The following SLC5A7 variants were observed in gnomAD, a reference collection of about 807,000 sequenced individuals.
SLC5A7 encodes high affinity choline transporter 1.
A neutral mutation model predicts 55.4 loss-of-function variants in SLC5A7; 19 were observed. The observed-to-expected ratio is 0.34, with a 90% CI of 0.24 to 0.50. SLC5A7 has a LOEUF of 0.50. Among genes scored for constraint, SLC5A7 ranks in the 20% least tolerant of loss-of-function variants. The pLI is 0.98. For synonymous variants in SLC5A7, 265 were observed against 263.7 expected (o/e 1.00, Z -0.05); for missense variants, 506 against 705.3 (o/e 0.72, Z 3.20).
chr2:108,008,554 C>T lies in SLC5A7; in HGVS notation c.985C>T (p.Pro329Ser). The change falls in exon 8 of 9, where the codon CCT (proline) becomes TCT (serine). Residue 329 changes from proline (P) to serine (S), a missense_variant. Physicochemically the swap from Pro to Ser is moderately conservative, Grantham distance 74. Around this residue, in one of 4 missense-constraint regions of SLC5A7, gnomAD observed 309 missense variants for 478.6 expected, o/e 0.65. Coordinates refer to ENST00000264047, the MANE Select transcript of SLC5A7 (RefSeq NM_021815.5). ...ILPIVLQYLCPVYISFFGLGA... is the reference protein window; with the variant it reads ...ILPIVLQYLCSVYISFFGLGA... ...ACCAATTGTTCTGCAGTATCTCTGCCCTGTGTATATTTCTTTCTTTGGTCT... is the reference window on the plus strand; with the variant it reads ...ACCAATTGTTCTGCAGTATCTCTGCTCTGTGTATATTTCTTTCTTTGGTCT... The T allele has an allele frequency of 6.2e-7, 1 of 1,613,232 alleles. No individual in the cohort carries two copies. The highest frequency in any genetic ancestry group is 8.5e-7 in the Non-Finnish European group (1 of 1,179,720).
At chr2:108,002,074 A>G in intron 6 of SLC5A7, 34 bp downstream of exon 6, 1 of 1,583,410 alleles carries the variant, frequency 6.3e-7, no homozygotes, top group Non-Finnish European at 8.6e-7. Context: ...AATGTGATTT[A>G]ATTGTTCCTG....
At chr2:108,004,089 G>T (rs1678018042) in intron 6 of SLC5A7, among the ~76,000 whole-genome samples, 1 of 152,038 alleles carries the variant, frequency 6.6e-6, no homozygotes, top group Non-Finnish European at 1.5e-5. Context: ...TATCATGTTG[G>T]GATTAGAGTT....
intron 4 of SLC5A7, among the ~76,000 whole-genome samples, chr2:107,994,121 T>C (rs770682493): frequency 2.0e-5 from 3 of 152,182 alleles, no homozygotes; most frequent in Admixed American, 6.5e-5. Context: ...TGACTGAGGC[T>C]GTTGAGGCAG....
chr2:107,996,918 G>A (rs181917383), intron 4 of SLC5A7, among the ~76,000 whole-genome samples: 61 of 152,256 alleles, frequency 4.0e-4, no homozygotes, highest in Admixed American at 1.5e-3. Context: ...GTGATCTGTC[G>A]CAAATTAAAG....
chr2:107,986,955 G>C (rs1677266827), intron 1 of SLC5A7, among the ~76,000 whole-genome samples, 192 bp downstream of exon 1: 1 of 152,146 alleles, frequency 6.6e-6, no homozygotes, highest in Non-Finnish European at 1.5e-5. Context: ...CGCAGGAAAT[G>C]GGTAGAGGGG....
Position 108,013,621 on chromosome 2 carries a change from A to T in SLC5A7, c.*2760A>T, listed in dbSNP as rs1246485052. 1.3e-5 allele frequency: 2 copies of T among 152,198 alleles called. No individual in the cohort carries two copies. Among genetic ancestry groups the T allele is most frequent in the Non-Finnish European group, 2.9e-5 (2 of 68,028 alleles). 9.4% of individuals were successfully genotyped at this position (152,198 alleles called of 1,614,324 possible). On this transcript the variant is annotated 3_prime_UTR_variant, in exon 9 of 9. Transcript: ENST00000264047. Reference sequence around the variant, plus strand: ...CCTGATTTTCAAAATCTGCCCTCAGATGAAAATAAAATAAACGAAACATTT... The same window carrying T: ...CCTGATTTTCAAAATCTGCCCTCAGTTGAAAATAAAATAAACGAAACATTT...
rs761600200 is a variant in SLC5A7, at chr2:107,988,115, G to T, written c.-41G>T. ...CTGTATTTTCTTCAGAAGACTTAATGAAGTAGCCAGCTGCAGAAGAATCTG... is the reference window on the plus strand; with the variant it reads ...CTGTATTTTCTTCAGAAGACTTAATTAAGTAGCCAGCTGCAGAAGAATCTG... On this transcript the variant is annotated 5_prime_UTR_variant, in exon 2 of 9. An upstream start codon of the reference 5' UTR is lost. Coordinates refer to ENST00000264047, the MANE Select transcript of SLC5A7 (RefSeq NM_021815.5). 1.9e-6 allele frequency: 3 copies of T among 1,596,258 alleles called. No individual in the cohort carries two copies. The highest frequency in any genetic ancestry group is 2.6e-6 in the Non-Finnish European group (3 of 1,167,120).
At chr2:108,010,108 G>T in intron 8 of SLC5A7, 124 bp from the exon 9 acceptor site, 1 of 1,216,678 alleles carries the variant, frequency 8.2e-7, no homozygotes, top group Admixed American at 2.7e-5. Flanking sequence ...TTTTCCCATA[G>T]ATTGAGCCAT....
chr2:108,010,579 A>G lies in SLC5A7; in HGVS notation c.1461A>G (p.Ser487=). ...TTAAAACACTTGCCATGGTTACATC[A>G]TTCTTAACCAACATTTGCATCTCCT... The part of the protein sequence containing the change: ...FPFKTLAMVT[S]FLTNICISYL... The change falls in exon 9 of 9, where the codon TCA becomes TCG. Residue 487 remains serine, a synonymous_variant. Transcript: ENST00000264047. 1 of 1,613,952 alleles carries G rather than the reference A, an allele frequency of 6.2e-7. No homozygotes were observed. Among genetic ancestry groups the G allele is most frequent in the Non-Finnish European group, 8.5e-7 (1 of 1,179,928 alleles).
At chr2:108,007,480 C>CTG (rs55917915) in intron 7 of SLC5A7, among the ~76,000 whole-genome samples, 23 of 149,790 alleles carry the variant, frequency 1.5e-4, no homozygotes, top group South Asian at 6.3e-4. Context: ...GTGTGTGTGT[C>CTG]TGTGTGTGTG....
At chr2:108,002,113 A>C (rs923162593) in intron 6 of SLC5A7, 73 bp downstream of exon 6, 3 of 1,541,202 alleles carry the variant, frequency 1.9e-6, no homozygotes, top group Non-Finnish European at 2.6e-6. Flanking sequence ...CGATTTTCAT[A>C]TTCATAGTAA....
rs111516425 is a variant in SLC5A7, at chr2:108,006,811, C to T, written c.895+609C>T. On this transcript the variant is annotated intron_variant, in intron 7 of 8. Coordinates refer to ENST00000264047, the MANE Select transcript of SLC5A7 (RefSeq NM_021815.5). Reference sequence around the variant, plus strand: ...GAGTTGAGAGTCACAGGCTTAGAGACGTTTACCTGTCATCCTCATGACCTC... The same window carrying T: ...GAGTTGAGAGTCACAGGCTTAGAGATGTTTACCTGTCATCCTCATGACCTC... Among the ~76,000 whole-genome samples the T allele has an allele frequency of 6.0e-3, 908 of 152,224 alleles. 11 individuals carry two copies. The highest frequency in any genetic ancestry group is 0.021 in the African/African-American group (867 of 41,560).
chr2:108,005,732 A>G (rs953997874), intron 6 of SLC5A7, among the ~76,000 whole-genome samples: 44 of 152,126 alleles, frequency 2.9e-4, no homozygotes, highest in Non-Finnish European at 7.3e-5. Context: ...GCCTCCTCAC[A>G]TGGTGGAAGG....
chr2:107,986,704 C>G lies in SLC5A7; in HGVS notation c.-111C>G, dbSNP rs912819383. On this transcript the variant is annotated 5_prime_UTR_variant, in exon 1 of 9. Coordinates refer to ENST00000264047, the MANE Select transcript of SLC5A7 (RefSeq NM_021815.5). Reference sequence around the variant, plus strand: ...TCTGCACCCTCGCACCCACACCCCTCGCGGTTCCAGGGGGCGGCGGCCCCG... The same window carrying G: ...TCTGCACCCTCGCACCCACACCCCTGGCGGTTCCAGGGGGCGGCGGCCCCG... The G allele has an allele frequency of 6.6e-6, 1 of 152,622 alleles. No homozygotes were observed. The highest frequency in any genetic ancestry group is 1.5e-5 in the Non-Finnish European group (1 of 68,472). 9.5% of individuals were successfully genotyped at this position (152,622 alleles called of 1,614,324 possible). A position where few individuals can be genotyped will look rare whatever the true frequency, so the allele number is the denominator to read the frequency against.
intron 2 of SLC5A7, among the ~76,000 whole-genome samples, chr2:107,989,289 T>A (rs919631788): frequency 6.6e-6 from 1 of 152,178 alleles, no homozygotes; most frequent in African/African-American, 2.4e-5. Context: ...GGAAATGATA[T>A]CAAGTGATGC....
At position 108,010,790 on chromosome 2, in the gene SLC5A7, A is replaced by T; in HGVS notation, c.1672A>T (p.Thr558Ser). 6.2e-7 allele frequency: 1 copy of T among 1,613,224 alleles called. No individual in the cohort carries two copies. The highest frequency in any genetic ancestry group is 1.1e-5 in the South Asian group (1 of 90,990). ...GAGCATGACCCTCAGCTCAACTTTC[A>T]CCAATAAAGAGGCCTTCCTTGATGT... ...RQSMTLSSTF[T>S]NKEAFLDVDS... The change falls in exon 9 of 9, where the codon ACC becomes TCC. Residue 558 changes from threonine (T) to serine (S), a missense_variant. This residue lies in a region of SLC5A7 where 137 missense variants were observed against 143.6 expected (regional missense o/e 0.95). Coordinates refer to ENST00000264047, the MANE Select transcript of SLC5A7 (RefSeq NM_021815.5).
In SLC5A7 at chr2:107,992,192, A is replaced by G. The variant is rs1013940; in HGVS notation, c.265A>G (p.Ile89Val). Residue 89 changes from isoleucine to valine, a missense_variant, in exon 3 of 9, where the codon ATT (isoleucine) becomes GTT (valine). Around this residue, in one of 4 missense-constraint regions of SLC5A7, gnomAD observed 309 missense variants for 478.6 expected, o/e 0.65. Transcript: ENST00000264047. ...GYGLAWAQAPIGYSLSLILGG... is the reference protein window; with the variant it reads ...GYGLAWAQAPVGYSLSLILGG... ...TGGCCTAGCTTGGGCTCAGGCACCAATTGGATATTCTCTTAGTCTGATTTT... is the reference window on the plus strand; with the variant it reads ...TGGCCTAGCTTGGGCTCAGGCACCAGTTGGATATTCTCTTAGTCTGATTTT... 136,064 of 1,612,352 alleles carry G rather than the reference A, an allele frequency of 0.084. 6,649 individuals carry two copies. Among genetic ancestry groups the G allele is most frequent in the Admixed American group, 0.19 (11,178 of 59,960 alleles).
At chr2:107,989,960 A>G (rs1220783823) in intron 2 of SLC5A7, among the ~76,000 whole-genome samples, 1 of 152,158 alleles carries the variant, frequency 6.6e-6, no homozygotes, top group Admixed American at 6.5e-5. Flanking sequence ...AAGGGCCATG[A>G]TCTTCCTCAG....
chr2:108,005,953 A>G, intron 6 of SLC5A7, 96 bp from the exon 7 acceptor site: 2 of 1,460,856 alleles, frequency 1.4e-6, no homozygotes, highest in South Asian at 2.7e-5. Context: ...TACTACTTCT[A>G]AGTTGTACTT....
Sources: gnomAD v4.1 joint callset for allele counts (sites outside exome capture counted in the v4.1 genomes callset) on GRCh38, gnomAD v4.1.1 for gene constraint, gnomAD v4.1.1 regional missense constraint, MANE v1.5 for transcripts, NCBI Gene and HGNC (gene_info 2026-07-23, HGNC 2026-07-21) for gene names.